MPV17: variants seen among roughly 807,000 people sequenced by gnomAD.
MPV17 encodes mitochondrial inner membrane protein MPV17, also known as MPV17, mitochondrial inner membrane protein.
Under a neutral mutation model 28.6 loss-of-function variants are expected in MPV17, and 31 were observed. The observed-to-expected ratio is 1.08, with a 90% CI of 0.81 to 1.46. The LOEUF is 1.46. MPV17 is among the 40% of genes most tolerant of loss of function. The pLI is 0.00. For synonymous variants in MPV17, 87 were observed against 85.3 expected, an observed-to-expected ratio of 1.02 and a Z score of -0.11; for missense variants, 198 against 216.2, an observed-to-expected ratio of 0.92 and a Z score of 0.53.
At chr2:27,314,142 T>C (rs1315671812) in intron 2 of MPV17, among the ~76,000 whole-genome samples, 2 of 152,020 alleles carry the variant, frequency 1.3e-5, no homozygotes, top group African/African-American at 4.8e-5. Context: ...CTGGGCAATA[T>C]AGCAAGACCC....
chr2:27,316,901 T>C, intron 2 of MPV17: 2 of 578,366 alleles, frequency 3.5e-6, no homozygotes, highest in Non-Finnish European at 6.0e-6. Flanking sequence ...AGGTGCCAGT[T>C]CTCATGCCGT....
At chr2:27,314,943 G>A (rs1679595874) in intron 2 of MPV17, among the ~76,000 whole-genome samples, 1 of 152,220 alleles carries the variant, frequency 6.6e-6, no homozygotes, top group Non-Finnish European at 1.5e-5. Context: ...GGGTATGGCT[G>A]AGAGCTGGGG....
intron 7 of MPV17, chr2:27,311,023 G>GT (rs973826063): frequency 1.3e-4 from 19 of 147,708 alleles, no homozygotes; most frequent in African/African-American, 3.7e-4. Context: ...GATTACAGGC[G>GT]TGAGCCACTG....
chr2:27,310,037 C>G (rs1679370364), intron 7 of MPV17, 56 bp from the exon 8 acceptor site: 1 of 1,358,412 alleles, frequency 7.4e-7, no homozygotes, highest in African/African-American at 1.4e-5. Flanking sequence ...TGAGCAAGGG[C>G]TGGAGATGGG....
chr2:27,315,461 C>T (rs1679615097), intron 2 of MPV17, among the ~76,000 whole-genome samples: 2 of 152,214 alleles, frequency 1.3e-5, no homozygotes, highest in South Asian at 2.1e-4. Context: ...AACAGTGTAA[C>T]GGTCTACTTT....
At chr2:27,314,522 G>T (rs2148217734) in intron 2 of MPV17, among the ~76,000 whole-genome samples, 1 of 152,200 alleles carries the variant, frequency 6.6e-6, no homozygotes, top group South Asian at 2.1e-4. Context: ...CCAGGACTCT[G>T]CACCTGCTTC....
intron 2 of MPV17, chr2:27,316,797 GC>G: frequency 2.6e-6 from 1 of 382,356 alleles, no homozygotes; most frequent in South Asian, 3.9e-5. Context: ...ATGGGGCAGG[GC>G]TAGGGGCTGC....
intron 2 of MPV17, among the ~76,000 whole-genome samples, chr2:27,315,111 A>G (rs1022598649): frequency 6.6e-6 from 1 of 152,244 alleles, no homozygotes; most frequent in Non-Finnish European, 1.5e-5. Context: ...ATAGAATCCT[A>G]GATACCTTTG....
chr2:27,321,302 C>G (rs1190426598), intron 2 of MPV17, among the ~76,000 whole-genome samples: 1 of 152,140 alleles, frequency 6.6e-6, no homozygotes, highest in Non-Finnish European at 1.5e-5. Flanking sequence ...TACAGGCTGA[C>G]GGACGCTGAG....
chr2:27,312,300 CT>C (rs1679477754), intron 5 of MPV17, 54 bp from the exon 6 acceptor site: 1 of 1,584,930 alleles, frequency 6.3e-7, no homozygotes, highest in Non-Finnish European at 8.7e-7. Context: ...GCAGCTCCCA[CT>C]TCCCAGTATG....
chr2:27,313,232 G>A, intron 2 of MPV17, 123 bp from the exon 3 acceptor site: 1 of 1,558,684 alleles, frequency 6.4e-7, no homozygotes. Flanking sequence ...GCTTCATTGT[G>A]GAAACAAATG....
chr2:27,312,889 G>A, intron 3 of MPV17, 105 bp downstream of exon 3: 1 of 1,539,206 alleles, frequency 6.5e-7, no homozygotes, highest in Non-Finnish European at 9.0e-7. Flanking sequence ...GAAAAAAGAG[G>A]GCGGCAGGTT....
chr2:27,311,635 C>T, intron 7 of MPV17: 1 of 1,550,618 alleles, frequency 6.4e-7, no homozygotes, highest in Non-Finnish European at 8.7e-7. Context: ...AAAGACGGAG[C>T]TCAGGTGGGA....
chr2:27,312,495 C>T lies in MPV17; in HGVS notation c.374G>A (p.Arg125Gln), dbSNP rs766486395. 2.2e-5 allele frequency: 36 copies of T among 1,613,904 alleles called. No individual in the cohort carries two copies. Among genetic ancestry groups the T allele is most frequent in the Non-Finnish European group, 2.6e-5 (31 of 1,179,872 alleles). ...SAQDNWAKLQRDYPDALITNY... is the reference protein window; with the variant it reads ...SAQDNWAKLQQDYPDALITNY... The stretch of plus-strand genomic sequence containing the variant: ...ATTCTCCACACCTGCCCAGCTCACC[C>T]GCTGTAGTTTGGCCCAGTTGTCCTG... The change falls in exon 5 of 8, where the codon CGG (arginine) becomes CAG (glutamine). Residue 125 changes from arginine (R) to glutamine (Q), a missense_variant and splice_region_variant. Transcript: ENST00000380044.
In MPV17 at chr2:27,311,879, G is replaced by C. The variant is rs1353292366; in HGVS notation, c.461+20C>G. The C allele has an allele frequency of 1.9e-6, 3 of 1,612,836 alleles. No homozygotes were observed. The highest frequency in any genetic ancestry group is 2.5e-6 in the Non-Finnish European group (3 of 1,179,338). ...GTAACGTGGGTCTTCCTTGATGGGT[G>C]GGGTAGGGGTGCAACATACCTGTAA... is the stretch of plus-strand genomic sequence containing the variant. On this transcript the variant is annotated intron_variant, in intron 7 of 7. Transcript: ENST00000380044.
At chr2:27,320,439 T>G (rs796827626) in intron 2 of MPV17, among the ~76,000 whole-genome samples, 56 of 151,236 alleles carry the variant, frequency 3.7e-4, no homozygotes, top group African/African-American at 9.5e-4. Flanking sequence ...TGGGTTCAAG[T>G]GATTCTCCTG....
intron 2 of MPV17, among the ~76,000 whole-genome samples, chr2:27,320,020 G>A (rs890325692): frequency 2.7e-5 from 4 of 149,340 alleles, no homozygotes; most frequent in African/African-American, 9.7e-5. Flanking sequence ...GGTGAATCAC[G>A]AGGTCAAGTG....
chr2:27,315,865 ACCC>A (rs1345798934), intron 2 of MPV17: 1 of 1,365,050 alleles, frequency 7.3e-7, no homozygotes, highest in South Asian at 1.8e-5. Context: ...CCCAGCCTAC[ACCC>A]CCATTTAATG....
At chr2:27,311,401 G>T (rs1214781946) in intron 7 of MPV17, 3 of 609,380 alleles carry the variant, frequency 4.9e-6, no homozygotes, top group Non-Finnish European at 8.7e-6. Context: ...TGTACATTTT[G>T]GCCCTGTTCC....
Sources: allele counts gnomAD v4.1 joint callset (sites outside exome capture counted in the v4.1 genomes callset), GRCh38; gene constraint gnomAD v4.1.1; transcripts MANE v1.5; gene names NCBI Gene and HGNC (gene_info 2026-07-23, HGNC 2026-07-21).